The following ALX4 variants were observed in gnomAD, a reference collection of about 807,000 sequenced individuals.
ALX4 encodes the protein homeobox protein aristaless-like 4.
Under a neutral mutation model 40.6 loss-of-function variants are expected in ALX4, and 22 were observed. The ratio of observed to expected loss-of-function variants is 0.54; its 90% CI spans 0.39 to 0.77. The LOEUF is 0.77. Among genes scored for constraint, ALX4 ranks in the 30% least tolerant of loss-of-function variants. ALX4 has a pLI of 0.00. For synonymous variants in ALX4, 266 were observed against 240.5 expected (o/e 1.11, Z -0.98); for missense variants, 556 against 564.8 (o/e 0.98, Z 0.16).
intron 1 of ALX4, among the ~76,000 whole-genome samples, chr11:44,297,754 C>T (rs1318994305): frequency 1.3e-5 from 2 of 152,080 alleles, no homozygotes; most frequent in South Asian, 2.1e-4. Context: ...ATAAAAAGCT[C>T]TCTTCAGCTG....
chr11:44,274,171 T>G (rs1414574507), intron 2 of ALX4, among the ~76,000 whole-genome samples: 2 of 152,148 alleles, frequency 1.3e-5, no homozygotes, highest in Non-Finnish European at 2.9e-5. Context: ...TTAAAAAATT[T>G]TTAAGAAGAT....
chr11:44,280,788 G>A (rs879238), intron 1 of ALX4, among the ~76,000 whole-genome samples: 46,561 of 152,120 alleles, frequency 0.31, 8,886 homozygotes, highest in South Asian at 0.51. Context: ...CAGCATTATT[G>A]CCATAGACTG....
intron 1 of ALX4, among the ~76,000 whole-genome samples, chr11:44,308,200 G>C (rs758629580): frequency 1.3e-4 from 20 of 152,200 alleles, no homozygotes; most frequent in African/African-American, 4.8e-4. Context: ...TGCTCTCTGC[G>C]TGTGTGTGTG....
chr11:44,285,121 C>A (rs997874501), intron 1 of ALX4, among the ~76,000 whole-genome samples: 4 of 152,160 alleles, frequency 2.6e-5, no homozygotes, highest in Admixed American at 2.6e-4. Context: ...CCCAGCACCA[C>A]GCCCGGCTAA....
chr11:44,307,119 C>T (rs74792149), intron 1 of ALX4, among the ~76,000 whole-genome samples: 1 of 139,616 alleles, frequency 7.2e-6, no homozygotes, highest in South Asian at 2.4e-4. Flanking sequence ...TGGGTGCTCT[C>T]GAGTTCCCAG....
At chr11:44,288,088 A>G (rs1461550535) in intron 1 of ALX4, among the ~76,000 whole-genome samples, 1 of 152,100 alleles carries the variant, frequency 6.6e-6, no homozygotes, top group Non-Finnish European at 1.5e-5. Flanking sequence ...GTGATTCCCT[A>G]TGTTGGCCAG....
chr11:44,309,112 G>T (rs1166832773), intron 1 of ALX4, among the ~76,000 whole-genome samples: 1 of 149,580 alleles, frequency 6.7e-6, no homozygotes, highest in Non-Finnish European at 1.5e-5. Flanking sequence ...CGCCCGAGGA[G>T]CCTCCCAGCC....
intron 3 of ALX4, among the ~76,000 whole-genome samples, chr11:44,266,499 G>A (rs989940896): frequency 6.6e-6 from 1 of 152,340 alleles, no homozygotes; most frequent in East Asian, 1.9e-4. Context: ...CTGGGCTGGG[G>A]GAGAGGGAAC....
intron 2 of ALX4, among the ~76,000 whole-genome samples, chr11:44,268,110 TCTGC>T (rs2135307754): frequency 1.3e-5 from 2 of 152,318 alleles, no homozygotes; most frequent in Admixed American, 1.3e-4. Context: ...CTGCATCCTG[TCTGC>T]AGCCTTCTTG....
rs1230747439 is a variant in ALX4 at position 44,260,525 on chromosome 11, C to T, written c.*4329G>A. On this transcript the variant is annotated 3_prime_UTR_variant, in exon 4 of 4. Coordinates refer to ENST00000652299, the MANE Select transcript of ALX4 (RefSeq NM_021926.4). ...CCAGCAAAGGGTGTTCTGGGAGTGCCCGGCTACCTCTGCACTCCATTTTGC... is the reference window on the plus strand; with the variant it reads ...CCAGCAAAGGGTGTTCTGGGAGTGCTCGGCTACCTCTGCACTCCATTTTGC... 1.3e-5 allele frequency: 2 copies of T among 152,122 alleles called. No individual in the cohort carries two copies. Among genetic ancestry groups the T allele is most frequent in the African/African-American group, 2.4e-5 (1 of 41,400 alleles). The allele number at this position is 152,122 out of a possible 1,614,324, so 9.4% of individuals were successfully genotyped here. A position where few individuals can be genotyped will look rare whatever the true frequency, so the allele number is the denominator to read the frequency against.
chr11:44,307,943 T>C (rs1453903870), intron 1 of ALX4, among the ~76,000 whole-genome samples: 2 of 151,866 alleles, frequency 1.3e-5, no homozygotes, highest in African/African-American at 4.8e-5. Context: ...TGTCTGTGTG[T>C]GGAACTGTGT....
Position 44,263,232 on chromosome 11 carries a change from GGGAGAA to G in ALX4, c.*1616_*1621del, listed in dbSNP as rs1956192736. The G allele has an allele frequency of 6.6e-6, 1 of 152,294 alleles. No individual in the cohort carries two copies. Among genetic ancestry groups the G allele is most frequent in the East Asian group, 1.9e-4 (1 of 5,204 alleles). The allele number at this position is 152,294 out of a possible 1,614,324, so 9.4% of individuals were successfully genotyped here. On this transcript the variant is annotated 3_prime_UTR_variant, in exon 4 of 4. Transcript: ENST00000652299. ...GGCCCTACTCCATGACAGGAATCAA[GGGAGAA>G]GGTAGAAAAGGCGAGCGCTTCAATG...
intron 1 of ALX4, among the ~76,000 whole-genome samples, chr11:44,294,652 G>A (rs965036523): frequency 4.6e-5 from 7 of 151,850 alleles, no homozygotes; most frequent in Middle Eastern, 3.2e-3. Context: ...AGTAATCATA[G>A]ATTCAGTAAT....
Position 44,267,493 on chromosome 11 carries a change from C to T in ALX4, c.906+1G>A, listed in dbSNP as rs1350422918. On this transcript the variant is annotated splice_donor_variant, in intron 3 of 3. Coordinates refer to ENST00000652299, the MANE Select transcript of ALX4 (RefSeq NM_021926.4). LOFTEE classifies it high-confidence loss of function. ...TGGCGGCAGCTCAGGGCGGGACTTACCTGGGCGTAGTTCTCAGCTCGGGTG... is the reference window on the plus strand; with the variant it reads ...TGGCGGCAGCTCAGGGCGGGACTTATCTGGGCGTAGTTCTCAGCTCGGGTG... 1 of 1,613,864 alleles carries T rather than the reference C, an allele frequency of 6.2e-7. No individual in the cohort carries two copies. The highest frequency in any genetic ancestry group is 1.3e-5 in the African/African-American group (1 of 74,910).
chr11:44,303,070 G>A (rs550529485), intron 1 of ALX4, among the ~76,000 whole-genome samples: 2 of 152,260 alleles, frequency 1.3e-5, no homozygotes, highest in East Asian at 1.9e-4. Context: ...CGGTCCCCAC[G>A]TGTGCCGCGC....
chr11:44,307,649 C>G (rs1956476906), intron 1 of ALX4, among the ~76,000 whole-genome samples: 1 of 152,244 alleles, frequency 6.6e-6, no homozygotes, highest in South Asian at 2.1e-4. Context: ...CCATGGGTCC[C>G]CTAGTCTGCG....
At chr11:44,303,175 C>A (rs1956444797) in intron 1 of ALX4, among the ~76,000 whole-genome samples, 1 of 152,192 alleles carries the variant, frequency 6.6e-6, no homozygotes, top group Non-Finnish European at 1.5e-5. Context: ...TCTGCTCTGA[C>A]CTGGGTCACC....
rs1565013743 is a variant in ALX4, at chr11:44,309,923, A to C, written c.140T>G (p.Phe47Cys). Residue 47 changes from phenylalanine to cysteine, a missense_variant, in exon 1 of 4, where the codon TTC becomes TGC. Transcript: ENST00000652299. ...FPGGDKFGTTFLSAAAKAQGF... is the reference protein window; with the variant it reads ...FPGGDKFGTTCLSAAAKAQGF... ...CTGTGCTTTGGCGGCGGCCGACAGG[A>C]AAGTTGTGCCGAACTTGTCGCCTCC... 1 of 1,592,702 alleles carries C rather than the reference A, an allele frequency of 6.3e-7. No homozygotes were observed. The highest frequency in any genetic ancestry group is 1.7e-4 in the Middle Eastern group (1 of 6,038).
chr11:44,305,878 C>T (rs1294906661), intron 1 of ALX4, among the ~76,000 whole-genome samples: 1 of 152,258 alleles, frequency 6.6e-6, no homozygotes, highest in Admixed American at 6.5e-5. Flanking sequence ...GGGGCAGCTT[C>T]CCGCAGCGGC....
Sources: gnomAD v4.1 joint callset for allele counts (sites outside exome capture counted in the v4.1 genomes callset) on GRCh38, gnomAD v4.1.1 for gene constraint, MANE v1.5 for transcripts, NCBI Gene and HGNC (gene_info 2026-07-23, HGNC 2026-07-21) for gene names.